The following DAB1 variants were observed in gnomAD, a reference collection of about 807,000 sequenced individuals.
The protein encoded by DAB1 is disabled homolog 1.
In DAB1, 15 loss-of-function variants were observed where a neutral mutation model predicts 64.6. That is an observed-to-expected ratio of 0.23 (90% CI 0.16 to 0.36). The LOEUF is 0.36. Among genes scored for constraint, DAB1 ranks in the 10% least tolerant of loss-of-function variants. DAB1 has a pLI of 1.00. For synonymous variants in DAB1, 235 were observed against 251.9 expected (o/e 0.93, Z 0.64); for missense variants, 596 against 706.7 (o/e 0.84, Z 1.78).
rs375950223 is a variant in DAB1, at chr1:58,452,864, A to AG, written n.257+53195_257+53196insC. On this transcript the variant is annotated intron_variant and non_coding_transcript_variant, in intron 3 of 20. Transcript: ENST00000485760. Reference sequence around the variant, plus strand: ...AAACAAAAAACAAAACAAAAAAAAAACAAAGCTAAACCTACACTTGCCATA... The same window carrying AG: ...AAACAAAAAACAAAACAAAAAAAAAAGCAAAGCTAAACCTACACTTGCCATA... 2.0e-3 allele frequency among the ~76,000 whole-genome samples: 310 copies of AG among 152,012 alleles called. 1 individual carries two copies. Among genetic ancestry groups the AG allele is most frequent in the African/African-American group, 7.1e-3 (294 of 41,452 alleles).
At chr1:57,691,733 A>T (rs937956516) in intron 6 of DAB1, among the ~76,000 whole-genome samples, 12 of 152,180 alleles carry the variant, frequency 7.9e-5, no homozygotes, top group Non-Finnish European at 1.5e-4. Context: ...TCTTGAAGTC[A>T]GCAAGACCAA....
chr1:57,490,534 A>T (rs906467995), intron 7 of DAB1, among the ~76,000 whole-genome samples: 1 of 152,206 alleles, frequency 6.6e-6, no homozygotes, highest in African/African-American at 2.4e-5. Flanking sequence ...AATTAAAAAA[A>T]AAATCTCAAC....
Position 58,290,162 on chromosome 1 carries a change from G to C in DAB1, n.309+53190C>G, listed in dbSNP as rs556322638. On this transcript the variant is annotated intron_variant and non_coding_transcript_variant, in intron 4 of 20. Transcript: ENST00000485760. Reference sequence around the variant, plus strand: ...AAGTCAGAGACACCAAGATATTCATGATCATGTACTGGGTGTCTTGACAGA... The same window carrying C: ...AAGTCAGAGACACCAAGATATTCATCATCATGTACTGGGTGTCTTGACAGA... Among the ~76,000 whole-genome samples, 10 of 152,318 alleles carry C rather than the reference G, an allele frequency of 6.6e-5. No homozygotes were observed. The South Asian group carries it at 2.1e-3, about 32-fold the overall frequency.
At chr1:57,425,964 C>T (rs1685269371), upstream of DAB1, among the ~76,000 whole-genome samples, 1 of 152,134 alleles carries the variant, frequency 6.6e-6, no homozygotes, top group African/African-American at 2.4e-5. Context: ...AGAGTCTAAA[C>T]TCAATACTGA....
At chr1:58,335,531 C>T (rs943102853) in intron 4 of DAB1, among the ~76,000 whole-genome samples, 4 of 151,926 alleles carry the variant, frequency 2.6e-5, no homozygotes, top group Admixed American at 6.6e-5. Flanking sequence ...GCAGTCTTTG[C>T]GAATGGTGTC....
intron 1 of DAB1, chr1:58,527,445 T>G (rs1425117318): frequency 4.6e-6 from 3 of 652,906 alleles, no homozygotes; most frequent in Non-Finnish European, 5.5e-6. Context: ...AGGATAAAAT[T>G]CCTATACTGT....
At chr1:58,260,600 G>A (rs944430745) in intron 4 of DAB1, among the ~76,000 whole-genome samples, 1 of 152,182 alleles carries the variant, frequency 6.6e-6, no homozygotes, top group Admixed American at 6.5e-5. Flanking sequence ...CCACTCTCCA[G>A]CCGGCACACT....
chr1:58,288,034 A>AAAG (rs1661730471), intron 4 of DAB1, among the ~76,000 whole-genome samples: 1 of 146,404 alleles, frequency 6.8e-6, no homozygotes, highest in Non-Finnish European at 1.5e-5. Context: ...AAAAAAAAAA[A>AAAG]AAAAAAAAAA....
At chr1:57,577,214 T>C (rs551199051) in intron 7 of DAB1, among the ~76,000 whole-genome samples, 1 of 152,212 alleles carries the variant, frequency 6.6e-6, no homozygotes, top group Non-Finnish European at 1.5e-5. Flanking sequence ...CAAAGTGCTT[T>C]ATAACTTACA....
intron 1 of DAB1, among the ~76,000 whole-genome samples, chr1:57,384,001 T>C (rs1206192697): frequency 7.8e-6 from 1 of 127,654 alleles, no homozygotes. Context: ...TCATATATTA[T>C]AAGGGGTTAA....
At chr1:57,522,628 C>T (rs1644542201) in intron 7 of DAB1, among the ~76,000 whole-genome samples, 1 of 152,086 alleles carries the variant, frequency 6.6e-6, no homozygotes, top group Non-Finnish European at 1.5e-5. Context: ...AAGGGGTGGA[C>T]TTGTGATGGT....
intron 4 of DAB1, among the ~76,000 whole-genome samples, chr1:58,301,893 A>G (rs1482705377): frequency 6.6e-6 from 1 of 152,190 alleles, no homozygotes; most frequent in Non-Finnish European, 1.5e-5. Flanking sequence ...AATTCTGTGT[A>G]TAAGCCTGTC....
At chr1:57,843,277 C>A (rs1341749846) in intron 1 of DAB1, among the ~76,000 whole-genome samples, 1 of 152,122 alleles carries the variant, frequency 6.6e-6, no homozygotes, top group Non-Finnish European at 1.5e-5. Context: ...ACTGTGTGCA[C>A]CTTGCATGGT....
chr1:58,018,668 T>C (rs1646776500), intron 5 of DAB1, among the ~76,000 whole-genome samples: 1 of 152,216 alleles, frequency 6.6e-6, no homozygotes, highest in Non-Finnish European at 1.5e-5. Flanking sequence ...AATGTTTACA[T>C]AAATTCTTAT....
intron 5 of DAB1, among the ~76,000 whole-genome samples, chr1:58,123,833 G>T (rs1192525673): frequency 4.6e-5 from 7 of 152,152 alleles, no homozygotes; most frequent in African/African-American, 1.7e-4. Context: ...TGAGCAAAGG[G>T]AAATAATCAT....
At chr1:58,008,918 C>T (rs1646626716) in intron 5 of DAB1, among the ~76,000 whole-genome samples, 2 of 152,134 alleles carry the variant, frequency 1.3e-5, no homozygotes, top group African/African-American at 4.8e-5. Context: ...GGTGCTTGCT[C>T]ATTTTCATTT....
chr1:58,113,682 A>G (rs1652126796), intron 5 of DAB1, among the ~76,000 whole-genome samples: 1 of 152,148 alleles, frequency 6.6e-6, no homozygotes, highest in African/African-American at 2.4e-5. Context: ...TGCAGGAAAG[A>G]TAAGGGGAGC....
At position 57,291,080 on chromosome 1, in the gene DAB1, C is replaced by T; in HGVS notation, c.-50G>A. 1 of 1,326,318 alleles carries T rather than the reference C, an allele frequency of 7.5e-7. No individual in the cohort carries two copies. Among genetic ancestry groups the T allele is most frequent in the Non-Finnish European group, 1.1e-6 (1 of 939,886 alleles). 82.2% of individuals were successfully genotyped at this position (1,326,318 alleles called of 1,614,324 possible). A position where few individuals can be genotyped will look rare whatever the true frequency, so the allele number is the denominator to read the frequency against. ...ACACAGATCCCGGGCCTCGGCCAGG[C>T]TCATTGAGGACTCTTCTCCAAGAGA... On this transcript the variant is annotated 5_prime_UTR_variant, in exon 2 of 15. Coordinates refer to ENST00000371236, the MANE Select transcript of DAB1 (RefSeq NM_001365792.1).
intron 3 of DAB1, among the ~76,000 whole-genome samples, chr1:58,358,953 A>AACACACACACAC (rs57077530): frequency 0.019 from 2,311 of 123,934 alleles, 43 homozygotes; most frequent in South Asian, 0.055. Context: ...CTCTCTCTGT[A>AACACACACACAC]ACACACACAC....
Sources: gnomAD v4.1 joint callset for allele counts (sites outside exome capture counted in the v4.1 genomes callset) on GRCh38, gnomAD v4.1.1 for gene constraint, MANE v1.5 for transcripts, NCBI Gene and HGNC (gene_info 2026-07-23, HGNC 2026-07-21) for gene names.